VWA5B2: variants seen among roughly 807,000 people sequenced by gnomAD.
VWA5B2 encodes von Willebrand factor A domain-containing protein 5B2.
Under a neutral mutation model 118.5 loss-of-function variants are expected in VWA5B2, and 93 were observed. That is an observed-to-expected ratio of 0.79 (90% CI 0.66 to 0.93). The LOEUF (loss-of-function observed/expected upper bound fraction) is 0.93, where lower values mean the gene tolerates loss of function less well. Among genes scored for constraint, VWA5B2 ranks in the 40% least tolerant of loss-of-function variants. The probability of loss-of-function intolerance (pLI) is 0.00; values close to 1 mark genes in which losing one functional copy is unlikely to be tolerated. For missense variants in VWA5B2, 1,546 were observed against 1,672.8 expected, an observed-to-expected ratio of 0.92 and a Z score of 1.32; for synonymous variants, 708 against 716.3, an observed-to-expected ratio of 0.99 and a Z score of 0.19.
chr3:184,236,130 C>T lies in VWA5B2; in HGVS notation c.1102-22C>T, dbSNP rs764348080. ...AGGGCCCATGGGGCCGGCCTCACGC[C>T]GCCCTCCCTGGCCCTCCACAGGATG... is the stretch of plus-strand genomic sequence containing the variant. On this transcript the variant is annotated intron_variant, in intron 8 of 19. Transcript: ENST00000691901. The T allele has an allele frequency of 2.6e-5, 40 of 1,547,904 alleles. No homozygotes were observed. The South Asian group carries it at 2.6e-4, about 10-fold the overall frequency.
rs1030677304 is a variant in VWA5B2, at chr3:184,229,699, G to A, written c.-164G>A. Reference sequence around the variant, plus strand: ...GGATCCCGTGGGCACCTAGAACTCCGCGGAGGGCGCGACGGTGAGGCTGAG... The same window carrying A: ...GGATCCCGTGGGCACCTAGAACTCCACGGAGGGCGCGACGGTGAGGCTGAG... On this transcript the variant is annotated 5_prime_UTR_variant, in exon 1 of 20. Transcript: ENST00000691901. Among the ~76,000 whole-genome samples, 12 of 152,154 alleles carry A rather than the reference G, an allele frequency of 7.9e-5. No homozygotes were observed. The highest frequency in any genetic ancestry group is 1.3e-4 in the Admixed American group (2 of 15,294).
In VWA5B2 at chr3:184,236,253, T is replaced by G. The variant is rs1339792938; in HGVS notation, c.1203T>G (p.Pro401=). 3 of 1,551,662 alleles carry G rather than the reference T, an allele frequency of 1.9e-6. No homozygotes were observed. Among genetic ancestry groups the G allele is most frequent in the Non-Finnish European group, 1.7e-6 (2 of 1,146,998 alleles). ...LVQPLFPESR[P]CSDDAVQLIC... is the part of the protein sequence containing the mutation. ...AGCCACTCTTCCCAGAGAGCCGGCC[T>G]TGCAGTGATGTGAGTGTGGTCCAGG... is the stretch of plus-strand genomic sequence containing the variant. The change falls in exon 9 of 20, where the codon CCT becomes CCG. Residue 401 remains proline, a synonymous_variant. Transcript: ENST00000691901.
Position 184,237,469 on chromosome 3 carries a change from G to C in VWA5B2, c.1719+58G>C. ...AGGGTGAGGTAGGGGGGCCTGGGAT[G>C]GCTGAAGTCCCCGCATCTCTTCCAA... On this transcript the variant is annotated intron_variant, in intron 12 of 19. Coordinates refer to ENST00000691901, the MANE Select transcript of VWA5B2 (RefSeq NM_001390846.1). This position sits in a 1 kb window ranked among gnomAD's most constrained non-coding sequence, Gnocchi z 5.6. 1.3e-6 allele frequency: 2 copies of C among 1,486,016 alleles called. No homozygotes were observed. The highest frequency in any genetic ancestry group is 1.8e-6 in the Non-Finnish European group (2 of 1,103,594). 92.1% of individuals were successfully genotyped at this position (1,486,016 alleles called of 1,614,324 possible).
chr3:184,230,943 G>C (rs1259482194), intron 3 of VWA5B2, 26 bp downstream of exon 3: 67 of 1,209,748 alleles, frequency 5.5e-5, no homozygotes, highest in Non-Finnish European at 6.7e-5. Flanking sequence ...CCGCACCCGC[G>C]CTCCTGAAAG....
chr3:184,241,430 G>A lies in VWA5B2; in HGVS notation c.3180+26G>A. ...GTGAGGACTCGGGAGGTGGAGGGTGGTGCCGCCGGGGCCGGGCGCTGTTTC... is the reference window on the plus strand; with the variant it reads ...GTGAGGACTCGGGAGGTGGAGGGTGATGCCGCCGGGGCCGGGCGCTGTTTC... On this transcript the variant is annotated intron_variant, in intron 19 of 19. Coordinates refer to ENST00000691901, the MANE Select transcript of VWA5B2 (RefSeq NM_001390846.1). This position sits in a 1 kb window ranked among gnomAD's most constrained non-coding sequence, Gnocchi z 5.1. 2 of 1,573,674 alleles carry A rather than the reference G, an allele frequency of 1.3e-6. No individual in the cohort carries two copies. Among genetic ancestry groups the A allele is most frequent in the Non-Finnish European group, 1.7e-6 (2 of 1,158,460 alleles).
chr3:184,238,719 G>T lies in VWA5B2; in HGVS notation c.2048G>T (p.Ser683Ile), dbSNP rs1480248616. 3 of 1,551,172 alleles carry T rather than the reference G, an allele frequency of 1.9e-6. No homozygotes were observed. The highest frequency in any genetic ancestry group is 2.6e-6 in the Non-Finnish European group (3 of 1,147,014). Residue 683 changes from serine to isoleucine, a missense_variant, in exon 14 of 20, where the codon AGC (serine) becomes ATC (isoleucine). By Grantham distance (142) the Ser-to-Ile change is moderately radical. Transcript: ENST00000691901. The surrounding 1 kb of genome is among the most constrained non-coding windows in gnomAD (Gnocchi z 5.0). ...SPEPGPGSTG[S>I]SESPGSQGPG... ...GAGCCAGGCCCAGGCTCCACAGGCA[G>T]CAGTGAGTCCCCAGGCTCACAGGGC... is the stretch of plus-strand genomic sequence containing the variant.
At chr3:184,240,598 A>T in intron 16 of VWA5B2, 193 bp from the exon 17 acceptor site, 1 of 748,170 alleles carries the variant, frequency 1.3e-6, no homozygotes, top group Non-Finnish European at 2.1e-6. Context: ...TTGCTCTGCT[A>T]TGGGTTGAAG....
rs1718310010 is a variant in VWA5B2 at position 184,239,238 on chromosome 3, G to T, written c.2203-156G>T. Reference sequence around the variant, plus strand: ...ATGCTGGGAAGGGGCCAAGGCCAGAGGTCACTGTAGGCCATAAGGAACTTG... The same window carrying T: ...ATGCTGGGAAGGGGCCAAGGCCAGATGTCACTGTAGGCCATAAGGAACTTG... On this transcript the variant is annotated intron_variant, in intron 14 of 19. Transcript: ENST00000691901. This position sits in a 1 kb window ranked among gnomAD's most constrained non-coding sequence, Gnocchi z 5.1. 6.6e-6 allele frequency among the ~76,000 whole-genome samples: 1 copy of T among 152,168 alleles called. No homozygotes were observed. The highest frequency in any genetic ancestry group is 1.5e-5 in the Non-Finnish European group (1 of 68,032).
In VWA5B2 at chr3:184,238,388, A is replaced by G; in HGVS notation, c.1805A>G (p.Glu602Gly). 6.4e-7 allele frequency: 1 copy of G among 1,550,720 alleles called. No homozygotes were observed. The highest frequency in any genetic ancestry group is 8.7e-7 in the Non-Finnish European group (1 of 1,146,820). The part of the protein sequence containing the change: ...EAPSAASPGT[E>G]PTGTSEPLGT... ...CCGTCTGCTGCCAGCCCTGGCACTGAGCCCACTGGCACCTCAGAGCCACTG... is the reference window on the plus strand; with the variant it reads ...CCGTCTGCTGCCAGCCCTGGCACTGGGCCCACTGGCACCTCAGAGCCACTG... Residue 602 changes from glutamate to glycine, a missense_variant, in exon 13 of 20, where the codon GAG becomes GGG. Glu to Gly is a moderately conservative substitution (Grantham distance 98). This residue lies in a region of VWA5B2 where 775 missense variants were observed against 882.3 expected (regional missense o/e 0.88). Coordinates refer to ENST00000691901, the MANE Select transcript of VWA5B2 (RefSeq NM_001390846.1). This position sits in a 1 kb window ranked among gnomAD's most constrained non-coding sequence, Gnocchi z 5.0.
Position 184,240,942 on chromosome 3 carries a change from C to T in VWA5B2, c.2878+14C>T, listed in dbSNP as rs1299728079. On this transcript the variant is annotated intron_variant, in intron 17 of 19. Coordinates refer to ENST00000691901, the MANE Select transcript of VWA5B2 (RefSeq NM_001390846.1). The stretch of plus-strand genomic sequence containing the variant: ...TGTGCAGCTCAGGTAGGGGCCTCTT[C>T]TGGTGACCTCTCAGGTGCAGCTCTC... 3.2e-6 allele frequency: 5 copies of T among 1,551,452 alleles called. No individual in the cohort carries two copies. The African/African-American group carries it at 6.8e-5, about 21-fold the overall frequency.
Position 184,236,239 on chromosome 3 carries a change from CCA to C in VWA5B2, c.1190_1191del (p.Pro397ArgfsTer7). 6.4e-7 allele frequency: 1 copy of C among 1,551,786 alleles called. No homozygotes were observed. The highest frequency in any genetic ancestry group is 8.7e-7 in the Non-Finnish European group (1 of 1,147,010). ...TGGGACGTTGGTGCAGCCACTCTTC[CCA>C]GAGAGCCGGCCTTGCAGTGATGTGA... ...VFGTLVQPLF[P>X]ESRPCSDDAV... On this transcript the variant is annotated frameshift_variant, in exon 9 of 20. Coordinates refer to ENST00000691901, the MANE Select transcript of VWA5B2 (RefSeq NM_001390846.1). LOFTEE classifies it high-confidence loss of function.
chr3:184,230,387 C>G lies in VWA5B2; in HGVS notation c.-142C>G, dbSNP rs1717256393. 9.4e-7 allele frequency: 1 copy of G among 1,060,044 alleles called. No homozygotes were observed. The highest frequency in any genetic ancestry group is 1.7e-5 in the African/African-American group (1 of 59,692). The allele number at this position is 1,060,044 out of a possible 1,614,324, so 65.7% of individuals were successfully genotyped here. ...GCCACCTGTCGCCCTCAGGAGCTCC[C>G]GCTCGGCCTCGCGCCCCGGCAGGCC... is the stretch of plus-strand genomic sequence containing the variant. On this transcript the variant is annotated 5_prime_UTR_variant, in exon 2 of 20. Coordinates refer to ENST00000691901, the MANE Select transcript of VWA5B2 (RefSeq NM_001390846.1).
chr3:184,230,915 A>C lies in VWA5B2; in HGVS notation c.308A>C (p.Gln103Pro). ...LGTPTPRRCA[Q>P]GHLVLDLAQA... ...ACCCCGACGCCCCGCCGCTGCGCGC[A>C]GGGTGAGTTCCGCGCGCCCGCACCC... The change falls in exon 3 of 20, where the codon CAG becomes CCG. Residue 103 changes from glutamine (Q) to proline (P), a missense_variant and splice_region_variant. Coordinates refer to ENST00000691901, the MANE Select transcript of VWA5B2 (RefSeq NM_001390846.1). 4 of 1,217,714 alleles carry C rather than the reference A, an allele frequency of 3.3e-6. No individual in the cohort carries two copies. The highest frequency in any genetic ancestry group is 3.4e-5 in the East Asian group (1 of 29,804). 75.4% of individuals were successfully genotyped at this position (1,217,714 alleles called of 1,614,324 possible). A position where few individuals can be genotyped will look rare whatever the true frequency, so the allele number is the denominator to read the frequency against.
intron 5 of VWA5B2, among the ~76,000 whole-genome samples, 173 bp from the exon 6 acceptor site, chr3:184,234,093 G>A (rs372814339): frequency 1.3e-5 from 2 of 152,272 alleles, no homozygotes; most frequent in Non-Finnish European, 1.5e-5. Context: ...CAGAAACCCT[G>A]CTGGAATCTA....
Position 184,241,852 on chromosome 3 carries a change from C to A in VWA5B2, c.3543C>A (p.Ala1181=). 6.5e-7 allele frequency: 1 copy of A among 1,540,986 alleles called. No individual in the cohort carries two copies. Among genetic ancestry groups the A allele is most frequent in the South Asian group, 1.2e-5 (1 of 83,538 alleles). The change falls in exon 20 of 20, where the codon GCC becomes GCA. Residue 1181 remains alanine, a synonymous_variant. Coordinates refer to ENST00000691901, the MANE Select transcript of VWA5B2 (RefSeq NM_001390846.1). The surrounding 1 kb of genome is among the most constrained non-coding windows in gnomAD (Gnocchi z 5.1). The stretch of plus-strand genomic sequence containing the variant: ...TCGCCTGGCTGGAGCACCGATGCGC[C>A]GCTGCCTTCGACGAGTGGGAACTGA... ...VALAWLEHRC[A]AAFDEWELTA...
In VWA5B2 at chr3:184,240,889, A is replaced by C. The variant is rs1378797805; in HGVS notation, c.2839A>C (p.Arg947=). The change falls in exon 17 of 20, where the codon AGG becomes CGG. Residue 947 remains arginine (R), a synonymous_variant. Transcript: ENST00000691901. ...TCPVAVDATT[R]EVLPGALQVC... is the part of the protein sequence containing the mutation. ...CCCTGTAGCTGTGGATGCTACTACT[A>C]GGGAGGTCCTGCCTGGGGCCCTGCA... The C allele has an allele frequency of 1.3e-6, 2 of 1,551,502 alleles. No homozygotes were observed. The highest frequency in any genetic ancestry group is 2.7e-5 in the African/African-American group (2 of 73,030).
At chr3:184,240,669 G>T in intron 16 of VWA5B2, 122 bp from the exon 17 acceptor site, 1 of 1,356,956 alleles carries the variant, frequency 7.4e-7, no homozygotes, top group South Asian at 1.4e-5. Context: ...GGCCTAGCAA[G>T]GCAATCTACT....
chr3:184,241,212 C>G lies in VWA5B2; in HGVS notation c.2988C>G (p.Gly996=), dbSNP rs1334781038. 1 of 1,550,310 alleles carries G rather than the reference C, an allele frequency of 6.5e-7. No individual in the cohort carries two copies. Among genetic ancestry groups the G allele is most frequent in the Non-Finnish European group, 8.7e-7 (1 of 1,146,338 alleles). Residue 996 remains glycine (G), a synonymous_variant, in exon 19 of 20, where the codon GGC becomes GGG. Transcript: ENST00000691901. This position sits in a 1 kb window ranked among gnomAD's most constrained non-coding sequence, Gnocchi z 5.1. ...SKGLQRGSPA[G]AWDSDQNGNS... is the part of the protein sequence containing the mutation. ...GACTTCAGAGAGGCTCTCCAGCAGG[C>G]GCCTGGGACTCGGACCAAAATGGCA...
intron 8 of VWA5B2, among the ~76,000 whole-genome samples, chr3:184,235,573 C>T (rs556902631): frequency 2.6e-5 from 4 of 152,290 alleles, no homozygotes; most frequent in East Asian, 1.9e-4. Flanking sequence ...CACATAGACT[C>T]GCACTCAGTC....
Sources: gnomAD v4.1 joint callset for allele counts (sites outside exome capture counted in the v4.1 genomes callset) on GRCh38, gnomAD v4.1.1 for gene constraint, gnomAD v4.1.1 regional missense constraint, Gnocchi (gnomAD v3.1) non-coding constraint, MANE v1.5 for transcripts, NCBI Gene and HGNC (gene_info 2026-07-23, HGNC 2026-07-21) for gene names.